PDE3B: variants seen among roughly 807,000 people sequenced by gnomAD.
PDE3B encodes the protein phosphodiesterase 3B.
In PDE3B, 66 loss-of-function variants were observed where a neutral mutation model predicts 116.8. The ratio of observed to expected loss-of-function variants is 0.56; its 90% confidence interval spans 0.46 to 0.69. The LOEUF (loss-of-function observed/expected upper bound fraction) is 0.69. Ranked by LOEUF, PDE3B falls within the 30% of genes least tolerant of loss-of-function variation. PDE3B has a pLI of 0.00. For synonymous variants in PDE3B, 595 were observed against 533.6 expected (o/e 1.12, Z -1.59); for missense variants, 1,384 against 1,368.1 (o/e 1.01, Z -0.18).
chr11:14,746,685 C>T (rs1590111205), intron 1 of PDE3B, among the ~76,000 whole-genome samples: 1 of 152,140 alleles, frequency 6.6e-6, no homozygotes, highest in Admixed American at 6.5e-5. Context: ...TATCCTTAGG[C>T]TCATTTAGCT....
rs1555009154 is a variant in PDE3B, at chr11:14,871,923, TATA to T, written c.*2269_*2271del. The T allele has an allele frequency of 6.6e-6, 1 of 152,204 alleles. No homozygotes were observed. The highest frequency in any genetic ancestry group is 2.4e-5 in the African/African-American group (1 of 41,466). The allele number at this position is 152,204 out of a possible 1,614,324, so 9.4% of individuals were successfully genotyped here. On this transcript the variant is annotated 3_prime_UTR_variant, in exon 16 of 16. Transcript: ENST00000282096. ...TTACTGAATCAGATTAATTTCTTGT[TATA>T]ATAATTTTCATCATAAATTTTCTAT...
At chr11:14,886,172 C>T in the PDE3B span, 26 of 476,708 alleles carry the variant, frequency 5.5e-5, no homozygotes, top group Admixed American at 5.1e-4. Context: ...GTACTGGACT[C>T]GGGAGGCCTG....
intron 5 of PDE3B, 66 bp downstream of exon 5, chr11:14,804,116 T>C (rs1348120659): frequency 2.8e-5 from 23 of 813,802 alleles, no homozygotes; most frequent in Middle Eastern, 2.3e-4. Flanking sequence ...GTAAACACTT[T>C]TCATCACATA....
chr11:14,644,397 C>T lies in PDE3B; in HGVS notation c.322C>T (p.Leu108=). 6.2e-6 allele frequency: 10 copies of T among 1,605,392 alleles called. No individual in the cohort carries two copies. The highest frequency in any genetic ancestry group is 1.1e-5 in the South Asian group (1 of 90,030). ...GAGCTGGGCTGCCGGGGCCGCCTGG[C>T]TGCGGACGCTGCTGAGCGTGTGTTC... The part of the protein sequence containing the change: ...PESWAAGAAW[L]RTLLSVCSHS... Residue 108 remains leucine (L), a synonymous_variant, in exon 1 of 16, where the codon CTG becomes TTG. Coordinates refer to ENST00000282096, the MANE Select transcript of PDE3B (RefSeq NM_000922.4).
intron 1 of PDE3B, among the ~76,000 whole-genome samples, chr11:14,699,791 G>A (rs1855311910): frequency 6.6e-6 from 1 of 151,784 alleles, no homozygotes; most frequent in South Asian, 2.1e-4. Context: ...AGCAGAAGGT[G>A]TTATTTAGTG....
intron 1 of PDE3B, among the ~76,000 whole-genome samples, chr11:14,690,616 C>CT (rs111280188): frequency 2.6e-3 from 343 of 134,256 alleles, no homozygotes; most frequent in African/African-American, 4.8e-3. Context: ...ATTTTGCTTC[C>CT]TTTTTTTTTT....
the PDE3B span, among the ~76,000 whole-genome samples, chr11:14,896,166 T>C: frequency 1.3e-5 from 2 of 152,226 alleles, no homozygotes; most frequent in Non-Finnish European, 2.9e-5. Flanking sequence ...CATGATATCT[T>C]GTATTCCTTT....
At position 14,644,360 on chromosome 11, in the gene PDE3B, C is replaced by T. The variant is rs1249445687; in HGVS notation, c.285C>T (p.Gly95=). The T allele has an allele frequency of 6.3e-7, 1 of 1,593,652 alleles. No homozygotes were observed. Among genetic ancestry groups the T allele is most frequent in the South Asian group, 1.1e-5 (1 of 89,026 alleles). ...CCTTTGTCCTCGCCCTGCTGCTGGG[C>T]GCGGAACCCGAGAGCTGGGCTGCCG... ...LAAFVLALLL[G]AEPESWAAGA... The change falls in exon 1 of 16, where the codon GGC becomes GGT. Residue 95 remains glycine, a synonymous_variant. Coordinates refer to ENST00000282096, the MANE Select transcript of PDE3B (RefSeq NM_000922.4).
intron 2 of PDE3B, among the ~76,000 whole-genome samples, chr11:14,780,931 A>C (rs1300663193): frequency 3.9e-5 from 6 of 151,976 alleles, no homozygotes; most frequent in Non-Finnish European, 4.4e-5. Flanking sequence ...AGACTAATAA[A>C]GAAGAAAAGA....
At chr11:14,724,764 GAGA>G (rs1856232023) in intron 1 of PDE3B, among the ~76,000 whole-genome samples, 1 of 152,180 alleles carries the variant, frequency 6.6e-6, no homozygotes, top group Non-Finnish European at 1.5e-5. Flanking sequence ...GGAGTGAGAA[GAGA>G]AGAAGGCCTA....
At chr11:14,837,655 A>G (rs1360075950) in intron 11 of PDE3B, among the ~76,000 whole-genome samples, 2 of 152,204 alleles carry the variant, frequency 1.3e-5, no homozygotes, top group Non-Finnish European at 2.9e-5. Flanking sequence ...CTCTAAGACA[A>G]TATATGTTTT....
At chr11:14,691,716 T>A (rs1024328790) in intron 1 of PDE3B, among the ~76,000 whole-genome samples, 2 of 152,174 alleles carry the variant, frequency 1.3e-5, no homozygotes, top group African/African-American at 4.8e-5. Context: ...AATAAGCATG[T>A]ACGTATATAT....
intron 15 of PDE3B, among the ~76,000 whole-genome samples, chr11:14,868,588 T>C (rs1555008490): frequency 1.3e-5 from 2 of 152,214 alleles, no homozygotes; most frequent in Non-Finnish European, 2.9e-5. Flanking sequence ...ATTATCACTT[T>C]GTAATTGTGA....
intron 1 of PDE3B, among the ~76,000 whole-genome samples, chr11:14,657,468 G>A (rs1222195925): frequency 6.6e-6 from 1 of 152,070 alleles, no homozygotes; most frequent in African/African-American, 2.4e-5. Flanking sequence ...GATAGTAATC[G>A]TTAAAAGCAG....
chr11:14,822,284 A>G (rs1365203622), intron 7 of PDE3B, among the ~76,000 whole-genome samples: 1 of 152,180 alleles, frequency 6.6e-6, no homozygotes, highest in Non-Finnish European at 1.5e-5. Context: ...CAGCACCCAG[A>G]TCCAGAAACA....
At chr11:14,859,340 T>A in intron 13 of PDE3B, 94 bp downstream of exon 13, 1 of 769,088 alleles carries the variant, frequency 1.3e-6, no homozygotes, top group South Asian at 2.0e-5. Flanking sequence ...GAATTATTAC[T>A]ACTTAGGAAG....
intron 9 of PDE3B, among the ~76,000 whole-genome samples, chr11:14,832,494 G>T (rs527395551): frequency 7.9e-5 from 12 of 152,226 alleles, no homozygotes; most frequent in Admixed American, 3.9e-4. Context: ...TAAAAATTGG[G>T]ACATGATATG....
At chr11:14,691,176 T>C (rs544301202) in intron 1 of PDE3B, among the ~76,000 whole-genome samples, 9 of 152,344 alleles carry the variant, frequency 5.9e-5, no homozygotes, top group African/African-American at 2.2e-4. Flanking sequence ...AGTGCAATAA[T>C]TGATTTTCAT....
chr11:14,747,768 ATATTT>A (rs1455201838), intron 1 of PDE3B, among the ~76,000 whole-genome samples: 1 of 152,178 alleles, frequency 6.6e-6, no homozygotes, highest in African/African-American at 2.4e-5. Flanking sequence ...TTTAACTTCC[ATATTT>A]TGAATCAAAT....
Sources: gnomAD v4.1 joint callset for allele counts (sites outside exome capture counted in the v4.1 genomes callset) on GRCh38, gnomAD v4.1.1 for gene constraint, MANE v1.5 for transcripts, NCBI Gene and HGNC (gene_info 2026-07-23, HGNC 2026-07-21) for gene names.